The following NAV2 variants were observed in gnomAD, a reference collection of about 807,000 sequenced individuals.
NAV2 encodes helicase, APC down-regulated 1.
A neutral mutation model predicts 223.2 loss-of-function variants in NAV2; 54 were observed. That is an observed-to-expected ratio of 0.24 (90% CI 0.19 to 0.30). NAV2 has a LOEUF of 0.30. NAV2 is among the 10% of genes least tolerant of loss of function. The pLI is 1.00. For missense variants in NAV2, 2,806 were observed against 3,147.5 expected, an observed-to-expected ratio of 0.89 and a Z score of 2.60; for synonymous variants, 1,279 against 1,239.3, an observed-to-expected ratio of 1.03 and a Z score of -0.67.
chr11:19,981,660 C>T (rs1195419333), intron 10 of NAV2, among the ~76,000 whole-genome samples: 2 of 152,206 alleles, frequency 1.3e-5, no homozygotes, highest in African/African-American at 4.8e-5. Context: ...AGAGCTTCCA[C>T]TGAGTTCTCC....
chr11:19,608,169 C>CT (rs2046531664), intron 1 of NAV2, among the ~76,000 whole-genome samples: 1 of 152,206 alleles, frequency 6.6e-6, no homozygotes, highest in Admixed American at 6.6e-5. Flanking sequence ...AAATGAGAGG[C>CT]TTGGGGACTG....
At chr11:20,001,417 A>G (rs1240810516) in intron 11 of NAV2, among the ~76,000 whole-genome samples, 8 of 152,116 alleles carry the variant, frequency 5.3e-5, no homozygotes, top group African/African-American at 1.9e-4. Context: ...ACCCAAAAAT[A>G]TGATGTCTGC....
chr11:19,922,019 G>A (rs1423819107), intron 6 of NAV2, among the ~76,000 whole-genome samples: 1 of 152,182 alleles, frequency 6.6e-6, no homozygotes, highest in Non-Finnish European at 1.5e-5. Flanking sequence ...TGCTCTGGTA[G>A]AAGTGGAGCA....
chr11:20,072,303 GT>G (rs2059453712), intron 22 of NAV2, among the ~76,000 whole-genome samples: 1 of 152,176 alleles, frequency 6.6e-6, no homozygotes, highest in Non-Finnish European at 1.5e-5. Flanking sequence ...CTATATATCT[GT>G]TTTGGTACCA....
intron 24 of NAV2, 27 bp downstream of exon 24, chr11:20,078,131 CAGA>C (rs1324787661): frequency 6.5e-7 from 1 of 1,547,778 alleles, no homozygotes; most frequent in Non-Finnish European, 8.9e-7. Flanking sequence ...AGCCTTTAGC[CAGA>C]AGACCTGCCT....
chr11:19,405,579 A>G (rs534778204), intron 1 of NAV2, among the ~76,000 whole-genome samples: 43 of 152,358 alleles, frequency 2.8e-4, no homozygotes, highest in African/African-American at 9.9e-4. Flanking sequence ...TCTCCCTTGC[A>G]TACTCATGAG....
At chr11:19,890,894 G>C (rs1258615374) in intron 5 of NAV2, among the ~76,000 whole-genome samples, 2 of 152,208 alleles carry the variant, frequency 1.3e-5, no homozygotes, top group Admixed American at 6.5e-5. Flanking sequence ...CTCCAAAGGA[G>C]ATGAGGTAAA....
At position 19,944,742 on chromosome 11, in the gene NAV2, C is replaced by CTCCCT. The variant is rs1246717601; in HGVS notation, c.2147-1652_2147-1648dup. Among the ~76,000 whole-genome samples the CTCCCT allele has an allele frequency of 1.0e-4, 13 of 129,192 alleles. No individual in the cohort carries two copies. In the East Asian group the frequency reaches 2.8e-3, roughly 28 times the overall value. The allele number at this position is 129,192 out of a possible 152,430, so 84.8% of individuals were successfully genotyped here. ...CTTCCTTCCTTCCTTTCTGTCTCCCCTCCCTTCCCTTTCTTTCCTTTCCTT... is the reference window on the plus strand; with the variant it reads ...CTTCCTTCCTTCCTTTCTGTCTCCCCTCCCTTCCCTTCCCTTTCTTTCCTTTCCTT... On this transcript the variant is annotated intron_variant, in intron 8 of 37. Transcript: ENST00000349880.
At chr11:19,534,104 G>T (rs892517025) in intron 1 of NAV2, among the ~76,000 whole-genome samples, 6 of 152,164 alleles carry the variant, frequency 3.9e-5, no homozygotes, top group Admixed American at 1.3e-4. Context: ...CTTCATTTGG[G>T]TCTCCATTTT....
intron 6 of NAV2, among the ~76,000 whole-genome samples, chr11:19,910,709 T>C (rs2043233067): frequency 6.6e-6 from 1 of 151,772 alleles, no homozygotes; most frequent in South Asian, 2.1e-4. Context: ...ATACAAAAAA[T>C]TAGCCAGGCG....
chr11:19,486,717 T>C (rs892924920), intron 1 of NAV2, among the ~76,000 whole-genome samples: 66 of 152,214 alleles, frequency 4.3e-4, no homozygotes, highest in African/African-American at 1.6e-3. Flanking sequence ...CTTGGGTAGT[T>C]CTTTATAGCA....
intron 1 of NAV2, among the ~76,000 whole-genome samples, chr11:19,560,794 G>C (rs2045067791): frequency 6.6e-6 from 1 of 152,234 alleles, no homozygotes; most frequent in South Asian, 2.1e-4. Context: ...GGAATGAATA[G>C]AGTAGACCAG....
intron 3 of NAV2, among the ~76,000 whole-genome samples, chr11:19,843,676 C>A (rs2060626433): frequency 6.7e-6 from 1 of 149,886 alleles, no homozygotes; most frequent in South Asian, 2.1e-4. Flanking sequence ...GTTAAGATAA[C>A]ACTAATAACC....
chr11:19,922,511 C>A (rs1310806476), intron 6 of NAV2, among the ~76,000 whole-genome samples: 2 of 152,132 alleles, frequency 1.3e-5, no homozygotes, highest in East Asian at 3.8e-4. Flanking sequence ...ACTTCGGTAT[C>A]TATTACAGTC....
chr11:19,637,002 T>TAA, intron 1 of NAV2, among the ~76,000 whole-genome samples: 1 of 152,366 alleles, frequency 6.6e-6, no homozygotes, highest in East Asian at 1.9e-4. Context: ...TCAGCAGTTC[T>TAA]AACTTAAGCC....
intron 6 of NAV2, among the ~76,000 whole-genome samples, chr11:19,927,990 A>G (rs34249590): frequency 0.39 from 58,621 of 152,196 alleles, 13,852 homozygotes; most frequent in Non-Finnish European, 0.53. Flanking sequence ...ACACAAATAT[A>G]TAGAAATAAA....
chr11:19,941,017 C>T (rs961846822), intron 8 of NAV2, among the ~76,000 whole-genome samples: 9 of 152,124 alleles, frequency 5.9e-5, no homozygotes, highest in Non-Finnish European at 1.0e-4. Context: ...ATCAAAAGAG[C>T]GAGGCCAACG....
At chr11:19,871,219 G>A (rs577744774) in intron 4 of NAV2, among the ~76,000 whole-genome samples, 62 of 152,248 alleles carry the variant, frequency 4.1e-4, no homozygotes, top group African/African-American at 1.5e-3. Flanking sequence ...ATATAACTCT[G>A]TAGTCATCTT....
At chr11:20,115,539 G>A (rs2062991873) in intron 37 of NAV2, among the ~76,000 whole-genome samples, 1 of 146,766 alleles carries the variant, frequency 6.8e-6, no homozygotes, top group Admixed American at 7.1e-5. Flanking sequence ...GGCTGAGGCA[G>A]GAGAATGGCG....
Sources: allele counts gnomAD v4.1 joint callset (sites outside exome capture counted in the v4.1 genomes callset), GRCh38; gene constraint gnomAD v4.1.1; transcripts MANE v1.5; gene names NCBI Gene and HGNC (gene_info 2026-07-23, HGNC 2026-07-21).